Variants in HSD17B14 observed in about 807,000 individuals in gnomAD.
The protein encoded by HSD17B14 is hydroxysteroid 17-beta dehydrogenase 14, also known as L-fucose dehydrogenase.
Under a neutral mutation model 32.2 loss-of-function variants are expected in HSD17B14, and 32 were observed. That is an observed-to-expected ratio of 0.99 (90% confidence interval 0.75 to 1.33). The LOEUF is 1.33. Ranked by LOEUF, HSD17B14 falls within the 40% of genes most tolerant of loss-of-function variation. The pLI is 0.00. For missense variants in HSD17B14, 370 were observed against 366.5 expected, an observed-to-expected ratio of 1.01 and a Z score of -0.08; for synonymous variants, 140 against 155.4, an observed-to-expected ratio of 0.90 and a Z score of 0.74.
intron 5 of HSD17B14, among the ~76,000 whole-genome samples, chr19:48,829,635 CT>C (rs34096239): frequency 0.2 from 14,820 of 75,524 alleles, 459 homozygotes; most frequent in East Asian, 0.22. Context: ...CCAGGCCTGG[CT>C]TTTTTTTTTT....
chr19:48,817,002 ATT>A (rs758061335), intron 5 of HSD17B14, among the ~76,000 whole-genome samples: 76 of 97,552 alleles, frequency 7.8e-4, no homozygotes, highest in South Asian at 1.3e-3. Flanking sequence ...CACCAGGATA[ATT>A]TTTTTTTTTT....
rs2034987432 is a variant in HSD17B14 at position 48,813,115 on chromosome 19, A to T, written c.*60T>A. ...AGGGCTTGGGGGCTGCATCTGATAC[A>T]GGTTGGAGTTTGGGGTGGGAGAGTC... On this transcript the variant is annotated 3_prime_UTR_variant, in exon 9 of 9. Transcript: ENST00000263278. 2.6e-6 allele frequency: 3 copies of T among 1,156,432 alleles called. No homozygotes were observed. Among genetic ancestry groups the T allele is most frequent in the Admixed American group, 4.6e-5 (2 of 43,642 alleles). The allele number at this position is 1,156,432 out of a possible 1,614,324, so 71.6% of individuals were successfully genotyped here.
intron 1 of HSD17B14, 148 bp downstream of exon 1, chr19:48,836,176 C>T: frequency 1.2e-6 from 1 of 813,856 alleles, no homozygotes; most frequent in Non-Finnish European, 2.0e-6. Context: ...GCCTACAGCG[C>T]CACACGCTTA....
rs2034988469 is a variant in HSD17B14, at chr19:48,813,155, C to G, written c.*20G>C. On this transcript the variant is annotated 3_prime_UTR_variant, in exon 9 of 9. Transcript: ENST00000263278. ...GTGGGAGAGTCCTAGGAAGGGGGCCCCAAGTAGAAATGAGAGAAATCAGGA... is the reference window on the plus strand; with the variant it reads ...GTGGGAGAGTCCTAGGAAGGGGGCCGCAAGTAGAAATGAGAGAAATCAGGA... The G allele has an allele frequency of 1.3e-6, 2 of 1,559,604 alleles. No homozygotes were observed. Among genetic ancestry groups the G allele is most frequent in the South Asian group, 2.4e-5 (2 of 84,026 alleles).
At position 48,813,961 on chromosome 19, in the gene HSD17B14, C is replaced by T. The variant is rs547777550; in HGVS notation, c.475-231G>A. Among the ~76,000 whole-genome samples, 4 of 152,164 alleles carry T rather than the reference C, an allele frequency of 2.6e-5. No individual in the cohort carries two copies. In the East Asian group the frequency reaches 5.8e-4, roughly 22 times the overall value. On this transcript the variant is annotated intron_variant, in intron 6 of 8. Transcript: ENST00000263278. The stretch of plus-strand genomic sequence containing the variant: ...CTGTAATCCCAGCACTTTGGGAGGC[C>T]GGGATGGGTGGATCACTTGGGCCAG...
chr19:48,819,232 G>A (rs1384684330), intron 5 of HSD17B14, among the ~76,000 whole-genome samples: 1 of 151,952 alleles, frequency 6.6e-6, no homozygotes, highest in Admixed American at 6.6e-5. Context: ...CAGGCAACCT[G>A]CCCACCTCGG....
At chr19:48,818,828 C>T (rs2035099391) in intron 5 of HSD17B14, among the ~76,000 whole-genome samples, 1 of 152,112 alleles carries the variant, frequency 6.6e-6, no homozygotes, top group African/African-American at 2.4e-5. Context: ...ACTGAGACCC[C>T]AGTTCTTAAG....
At position 48,822,332 on chromosome 19, in the gene HSD17B14, GTGA is replaced by G. The variant is rs767594766; in HGVS notation, c.370-7194_370-7192del. 8.3e-5 allele frequency among the ~76,000 whole-genome samples: 6 copies of G among 72,392 alleles called. No individual in the cohort carries two copies. In the East Asian group the frequency reaches 2.5e-3, roughly 31 times the overall value. 47.5% of individuals were successfully genotyped at this position (72,392 alleles called of 152,430 possible). On this transcript the variant is annotated intron_variant, in intron 5 of 8. Coordinates refer to ENST00000263278, the MANE Select transcript of HSD17B14 (RefSeq NM_016246.3). ...GATGATTGTGGCAATGATGGTGATG[GTGA>G]TGATGGTGGTGATGATGGTGGCAAT... is the stretch of plus-strand genomic sequence containing the variant.
intron 6 of HSD17B14, 148 bp from the exon 7 acceptor site, chr19:48,813,878 T>C: frequency 3.6e-6 from 3 of 825,846 alleles, no homozygotes; most frequent in Non-Finnish European, 3.9e-6. Context: ...GCTTGGTTTC[T>C]TGGGAGAAAC....
intron 3 of HSD17B14, 70 bp downstream of exon 3, chr19:48,834,206 C>T: frequency 7.7e-7 from 1 of 1,290,760 alleles, no homozygotes; most frequent in Non-Finnish European, 1.1e-6. Flanking sequence ...AAGGCATATG[C>T]AAATGGCTGG....
intron 5 of HSD17B14, among the ~76,000 whole-genome samples, chr19:48,823,431 C>A (rs1368852005): frequency 6.6e-6 from 1 of 151,610 alleles, no homozygotes; most frequent in Non-Finnish European, 1.5e-5. Context: ...AATAATAATG[C>A]TTTATTTTTA....
At chr19:48,832,915 G>A (rs2035370304) in intron 3 of HSD17B14, among the ~76,000 whole-genome samples, 183 bp from the exon 4 acceptor site, 3 of 151,846 alleles carry the variant, frequency 2.0e-5, no homozygotes, top group Admixed American at 6.6e-5. Flanking sequence ...CACCACGCCC[G>A]GCTAATTTTT....
intron 5 of HSD17B14, among the ~76,000 whole-genome samples, chr19:48,828,886 C>T (rs1015735398): frequency 6.6e-6 from 1 of 151,834 alleles, no homozygotes; most frequent in Non-Finnish European, 1.5e-5. Context: ...ATGGTGAAAC[C>T]TCGTCTCTAC....
At position 48,836,361 on chromosome 19, in the gene HSD17B14, G is replaced by A. The variant is rs1466973653; in HGVS notation, c.51C>T (p.Gly17=). 3.7e-6 allele frequency: 6 copies of A among 1,612,140 alleles called. No individual in the cohort carries two copies. Among genetic ancestry groups the A allele is most frequent in the African/African-American group, 1.3e-5 (1 of 74,240 alleles). The change falls in exon 1 of 9, where the codon GGC becomes GGT. Residue 17 remains glycine, a synonymous_variant. Transcript: ENST00000263278. ...CGATCCCAGCTCCGATGCCGCGCCC[G>A]CCCCCGGTCACGACCACCACCTTCC... ...YAGKVVVVTG[G]GRGIGAGIVR... is the part of the protein sequence containing the mutation.
At chr19:48,831,532 G>A (rs927534831) in intron 5 of HSD17B14, 136 bp downstream of exon 5, 27 of 712,236 alleles carry the variant, frequency 3.8e-5, no homozygotes, top group African/African-American at 8.8e-5. Context: ...CAGCCTGGGC[G>A]ACAGAGAGAG....
In HSD17B14 at chr19:48,829,442, C is replaced by A. The variant is rs567444398; in HGVS notation, c.369+2226G>T. 1.1e-4 allele frequency among the ~76,000 whole-genome samples: 17 copies of A among 152,036 alleles called. No individual in the cohort carries two copies. In the South Asian group the frequency reaches 3.5e-3, roughly 32 times the overall value. On this transcript the variant is annotated intron_variant, in intron 5 of 8. Transcript: ENST00000263278. ...TCTCAGCTCACTGCAACCTCCACCT[C>A]CCAGGTTCAAGCAATTCTACCGCCT...
At chr19:48,835,747 G>A in intron 2 of HSD17B14, 58 bp downstream of exon 2, 4 of 1,572,858 alleles carry the variant, frequency 2.5e-6, no homozygotes, top group Non-Finnish European at 2.6e-6. Flanking sequence ...CTAGGGGTCT[G>A]GACCTCTGGG....
intron 5 of HSD17B14, among the ~76,000 whole-genome samples, chr19:48,816,031 A>G (rs542758031): frequency 6.6e-6 from 1 of 151,496 alleles, no homozygotes; most frequent in African/African-American, 2.4e-5. Flanking sequence ...AGAAAAAAAA[A>G]AAAAAAAAAA....
chr19:48,835,118 G>A (rs1256122259), intron 2 of HSD17B14, among the ~76,000 whole-genome samples: 2 of 1,872 alleles, frequency 1.1e-3, no homozygotes, highest in Admixed American at 4.0e-3. Flanking sequence ...AGGGGCTGGG[G>A]GCCTGGACTC....
Sources: allele counts gnomAD v4.1 joint callset (sites outside exome capture counted in the v4.1 genomes callset), GRCh38; gene constraint gnomAD v4.1.1; transcripts MANE v1.5; gene names NCBI Gene and HGNC (gene_info 2026-07-23, HGNC 2026-07-21).